ITGA9: variants seen among roughly 807,000 people sequenced by gnomAD.
ITGA9 encodes the protein integrin alpha-9.
Under a neutral mutation model 127.8 loss-of-function variants are expected in ITGA9, and 56 were observed. The observed-to-expected ratio is 0.44, with a 90% CI of 0.35 to 0.55. The LOEUF is 0.55. Ranked by LOEUF, ITGA9 falls within the 20% of genes least tolerant of loss-of-function variation. ITGA9 has a pLI of 0.00. For synonymous variants in ITGA9, 508 were observed against 514.5 expected, an observed-to-expected ratio of 0.99 and a Z score of 0.17; for missense variants, 1,196 against 1,347.1, an observed-to-expected ratio of 0.89 and a Z score of 1.76.
chr3:37,753,358 CA>C (rs1169299524), intron 23 of ITGA9, among the ~76,000 whole-genome samples: 2 of 152,208 alleles, frequency 1.3e-5, no homozygotes, highest in Non-Finnish European at 2.9e-5. Context: ...TACCGTATAA[CA>C]AATGCAATAA....
chr3:37,677,421 C>T (rs1206475382), intron 17 of ITGA9, among the ~76,000 whole-genome samples: 2 of 152,128 alleles, frequency 1.3e-5, no homozygotes, highest in Admixed American at 1.3e-4. Context: ...TCAAATGCCT[C>T]CACAAATTTC....
rs73052951 is a variant in ITGA9 at position 37,736,996 on chromosome 3, T to C, written c.2234+13T>C. On this transcript the variant is annotated intron_variant, in intron 20 of 27. Coordinates refer to ENST00000264741, the MANE Select transcript of ITGA9 (RefSeq NM_002207.3). ...TTACTGCTCAGAGGTAAGGGGGGGG[T>C]TTAAACACTTTTTTCAAAGATGAGA... 7.1e-6 allele frequency: 11 copies of C among 1,540,590 alleles called. No homozygotes were observed. The East Asian group carries it at 2.3e-4, about 32-fold the overall frequency.
chr3:37,653,602 C>T (rs1700449280), intron 16 of ITGA9, 112 bp from the exon 17 acceptor site: 3 of 849,968 alleles, frequency 3.5e-6, no homozygotes, highest in Non-Finnish European at 4.1e-6. Flanking sequence ...AGTAGAAGCC[C>T]TGAGGGGCTC....
intron 3 of ITGA9, among the ~76,000 whole-genome samples, chr3:37,475,034 G>C (rs1698478487): frequency 6.6e-6 from 1 of 152,238 alleles, no homozygotes; most frequent in South Asian, 2.1e-4. Flanking sequence ...AGCCGTTGTA[G>C]GTCCTGCACA....
At chr3:37,677,618 A>T (rs1382216643) in intron 17 of ITGA9, among the ~76,000 whole-genome samples, 1 of 152,210 alleles carries the variant, frequency 6.6e-6, no homozygotes, top group African/African-American at 2.4e-5. Context: ...TTGCATTTTT[A>T]TATGCTTTAG....
intron 1 of ITGA9, among the ~76,000 whole-genome samples, chr3:37,466,342 G>A (rs1352914882): frequency 6.6e-6 from 1 of 151,852 alleles, no homozygotes; most frequent in African/African-American, 2.4e-5. Context: ...AATTAGCGGG[G>A]CGTGGTGGCG....
chr3:37,560,486 C>A (rs1225625833), intron 15 of ITGA9, among the ~76,000 whole-genome samples: 1 of 152,178 alleles, frequency 6.6e-6, no homozygotes, highest in Non-Finnish European at 1.5e-5. Context: ...ATTGCTGGAT[C>A]AAATGGTGAT....
At chr3:37,726,424 T>C (rs1483976055) in intron 18 of ITGA9, among the ~76,000 whole-genome samples, 1 of 152,228 alleles carries the variant, frequency 6.6e-6, no homozygotes, top group East Asian at 1.9e-4. Context: ...AAAGATATTC[T>C]GTTCCCAAAG....
chr3:37,786,727 A>G (rs1385068728), intron 26 of ITGA9, among the ~76,000 whole-genome samples: 1 of 152,230 alleles, frequency 6.6e-6, no homozygotes, highest in Non-Finnish European at 1.5e-5. Flanking sequence ...ATGAAAATGA[A>G]TTCCTGAATG....
At chr3:37,528,222 G>A (rs1280615200) in intron 13 of ITGA9, among the ~76,000 whole-genome samples, 1 of 152,114 alleles carries the variant, frequency 6.6e-6, no homozygotes, top group Admixed American at 6.6e-5. Flanking sequence ...CTTCTTCATG[G>A]TGAGGGACAG....
intron 15 of ITGA9, among the ~76,000 whole-genome samples, chr3:37,551,456 T>C (rs1391496563): frequency 6.8e-6 from 1 of 147,818 alleles, no homozygotes; most frequent in African/African-American, 2.6e-5. Flanking sequence ...TAGTACAGAG[T>C]GAACTAGCTG....
At chr3:37,479,524 A>T (rs73053297) in intron 3 of ITGA9, among the ~76,000 whole-genome samples, 16,969 of 152,158 alleles carry the variant, frequency 0.11, 1,067 homozygotes, top group Middle Eastern at 0.17. Context: ...GAAGGCTGTG[A>T]TCTTATCATA....
At chr3:37,480,667 T>C (rs1313119657) in intron 3 of ITGA9, among the ~76,000 whole-genome samples, 1 of 152,092 alleles carries the variant, frequency 6.6e-6, no homozygotes, top group Non-Finnish European at 1.5e-5. Context: ...GTTAATGAGA[T>C]GCATGCTGAA....
rs756923010 is a variant in ITGA9 at position 37,629,419 on chromosome 3, G to A, written c.1839+83G>A. On this transcript the variant is annotated intron_variant, in intron 16 of 27. Coordinates refer to ENST00000264741, the MANE Select transcript of ITGA9 (RefSeq NM_002207.3). This position sits in a 1 kb window ranked among gnomAD's most constrained non-coding sequence, Gnocchi z 4.5. Reference sequence around the variant, plus strand: ...TAATGGCCCAAAAGTTGAGAGAGCCGTGGGCCTGGCTGCTCAGGAGACCGC... The same window carrying A: ...TAATGGCCCAAAAGTTGAGAGAGCCATGGGCCTGGCTGCTCAGGAGACCGC... 1.2e-4 allele frequency: 180 copies of A among 1,519,604 alleles called. No individual in the cohort carries two copies. Among genetic ancestry groups the A allele is most frequent in the East Asian group, 3.0e-4 (13 of 42,660 alleles). 94.1% of individuals were successfully genotyped at this position (1,519,604 alleles called of 1,614,324 possible). A position where few individuals can be genotyped will look rare whatever the true frequency, so the allele number is the denominator to read the frequency against.
At chr3:37,735,446 T>C (rs1696348376) in intron 19 of ITGA9, among the ~76,000 whole-genome samples, 1 of 152,216 alleles carries the variant, frequency 6.6e-6, no homozygotes, top group Non-Finnish European at 1.5e-5. Flanking sequence ...TCCGTTGCTT[T>C]CAGGAAACAT....
chr3:37,615,954 C>T (rs78983393), intron 15 of ITGA9, among the ~76,000 whole-genome samples: 27,194 of 152,060 alleles, frequency 0.18, 2,805 homozygotes, highest in Admixed American at 0.31. Flanking sequence ...TTTTTTGTGT[C>T]TCTGTTTCCT....
intron 23 of ITGA9, among the ~76,000 whole-genome samples, chr3:37,761,366 A>G (rs947093828): frequency 6.6e-6 from 1 of 152,228 alleles, no homozygotes; most frequent in Non-Finnish European, 1.5e-5. Context: ...CACATAATAT[A>G]TCCAGGAGAA....
chr3:37,667,793 T>C (rs769560755), intron 17 of ITGA9, among the ~76,000 whole-genome samples: 7 of 151,968 alleles, frequency 4.6e-5, no homozygotes, highest in Non-Finnish European at 8.8e-5. Flanking sequence ...TTATCTGAGG[T>C]CAAAAAAATT....
At chr3:37,766,387 TTGAGACTTAATGAAGGACAC>T (rs1166699071) in intron 23 of ITGA9, among the ~76,000 whole-genome samples, 2 of 152,196 alleles carry the variant, frequency 1.3e-5, no homozygotes, top group East Asian at 3.8e-4. Flanking sequence ...TCCTTGAAAC[TTGAGACTTAATGAAGGACAC>T]TGAGGTTTCA....
Sources: gnomAD v4.1 joint callset for allele counts (sites outside exome capture counted in the v4.1 genomes callset) on GRCh38, gnomAD v4.1.1 for gene constraint, Gnocchi (gnomAD v3.1) non-coding constraint, MANE v1.5 for transcripts, NCBI Gene and HGNC (gene_info 2026-07-23, HGNC 2026-07-21) for gene names.